PPP2R2B: variants seen among roughly 807,000 people sequenced by gnomAD.
PPP2R2B encodes serine/threonine-protein phosphatase 2A 55 kDa regulatory subunit B beta isoform.
Under a neutral mutation model 46.0 loss-of-function variants are expected in PPP2R2B, and 5 were observed. That is an observed-to-expected ratio of 0.11 (90% CI 0.06 to 0.23). PPP2R2B has a LOEUF of 0.23. PPP2R2B is among the 10% of genes least tolerant of loss of function. The pLI is 1.00. For synonymous variants in PPP2R2B, 215 were observed against 206.7 expected (o/e 1.04, Z -0.34); for missense variants, 367 against 575.0 (o/e 0.64, Z 3.70).
At chr5:146,592,683 A>C (rs951365916) in intron 9 of PPP2R2B, among the ~76,000 whole-genome samples, 1 of 152,218 alleles carries the variant, frequency 6.6e-6, no homozygotes, top group African/African-American at 2.4e-5. Context: ...TCATTTAGGC[A>C]TGTTGACCTA....
chr5:146,966,063 G>A (rs1003825505), intron 1 of PPP2R2B, among the ~76,000 whole-genome samples: 2 of 152,210 alleles, frequency 1.3e-5, no homozygotes, highest in African/African-American at 4.8e-5. Context: ...AAAATGCAAG[G>A]AGATTGAGAA....
intron 1 of PPP2R2B, among the ~76,000 whole-genome samples, chr5:146,948,851 A>G (rs772337074): frequency 1.8e-4 from 27 of 152,134 alleles, no homozygotes; most frequent in Non-Finnish European, 3.2e-4. Flanking sequence ...ATGTGCAACA[A>G]CAGAAGTATG....
intron 2 of PPP2R2B, among the ~76,000 whole-genome samples, chr5:146,732,809 G>A (rs1263868016): frequency 6.6e-6 from 1 of 152,078 alleles, no homozygotes; most frequent in Non-Finnish European, 1.5e-5. Context: ...TCCTCAAATA[G>A]CACTATGAGA....
At position 146,709,496 on chromosome 5, in the gene PPP2R2B, G is replaced by A. The variant is rs893004761; in HGVS notation, c.71-8354C>T. ...GGGGTAATTGTGTGACCCAGATCTG[G>A]CCAATGAGGCATACAGGAAAGTCTA... On this transcript the variant is annotated intron_variant, in intron 2 of 9. Transcript: ENST00000394411. 6.5e-4 allele frequency among the ~76,000 whole-genome samples: 99 copies of A among 152,290 alleles called. 1 individual carries two copies. The highest frequency in any genetic ancestry group is 2.4e-3 in the African/African-American group (99 of 41,568).
At chr5:146,653,845 A>T (rs403151) in intron 5 of PPP2R2B, among the ~76,000 whole-genome samples, 2 of 151,884 alleles carry the variant, frequency 1.3e-5, no homozygotes, top group Admixed American at 6.6e-5. Context: ...CAGATAAGAC[A>T]GGGGGGATGG....
At chr5:147,011,307 C>T (rs993503410) in intron 1 of PPP2R2B, among the ~76,000 whole-genome samples, 68 of 152,056 alleles carry the variant, frequency 4.5e-4, no homozygotes, top group South Asian at 1.7e-3. Context: ...ATGCCCCCCC[C>T]ATCCCTACAT....
chr5:146,820,280 T>A (rs1261773008), intron 2 of PPP2R2B, among the ~76,000 whole-genome samples: 1 of 152,230 alleles, frequency 6.6e-6, no homozygotes, highest in Non-Finnish European at 1.5e-5. Context: ...ATACATTGTA[T>A]ACATGTATCA....
chr5:146,885,310 A>G (rs573855040), intron 1 of PPP2R2B, among the ~76,000 whole-genome samples: 20 of 152,218 alleles, frequency 1.3e-4, no homozygotes, highest in Admixed American at 1.1e-3. Flanking sequence ...CATGCTCTTA[A>G]CCACTGTGAT....
At chr5:146,891,729 A>G (rs915365452) in intron 1 of PPP2R2B, among the ~76,000 whole-genome samples, 2 of 152,342 alleles carry the variant, frequency 1.3e-5, no homozygotes, top group African/African-American at 4.8e-5. Context: ...ACTAACCACA[A>G]TGTAAAAATG....
intron 1 of PPP2R2B, among the ~76,000 whole-genome samples, chr5:146,913,089 C>T (rs190663941): frequency 6.6e-6 from 1 of 152,284 alleles, no homozygotes; most frequent in East Asian, 1.9e-4. Context: ...CCTCTGGAGG[C>T]CCTGTCTGCC....
At chr5:146,593,576 G>A (rs903925424) in intron 8 of PPP2R2B, among the ~76,000 whole-genome samples, 3 of 152,190 alleles carry the variant, frequency 2.0e-5, no homozygotes, top group African/African-American at 7.2e-5. Flanking sequence ...ATCTTGTCGG[G>A]GGTGTATTAT....
upstream of PPP2R2B, among the ~76,000 whole-genome samples, chr5:147,060,526 G>A (rs549333627): frequency 1.3e-5 from 2 of 152,246 alleles, no homozygotes; most frequent in Admixed American, 6.5e-5. Flanking sequence ...CACTTGGGGG[G>A]CTGAAGCAGG....
rs1037835146 is a variant in PPP2R2B, at chr5:146,859,254, A to G, written c.70+18748T>C. On this transcript the variant is annotated intron_variant, in intron 2 of 9. Transcript: ENST00000394411. ...ATATTTGTTGAGCAGAGTAGATAAG[A>G]GCTGTGAAAATGCTTTGCAGAAATA... is the stretch of plus-strand genomic sequence containing the variant. 3.3e-5 allele frequency among the ~76,000 whole-genome samples: 5 copies of G among 152,348 alleles called. No individual in the cohort carries two copies. In the South Asian group the frequency reaches 1.0e-3, roughly 32 times the overall value.
intron 2 of PPP2R2B, among the ~76,000 whole-genome samples, chr5:146,854,225 C>T (rs973101843): frequency 3.3e-5 from 5 of 152,114 alleles, no homozygotes; most frequent in Non-Finnish European, 5.9e-5. Flanking sequence ...GAGAGCCCTA[C>T]AAGGCTTCAT....
chr5:147,039,703 CTGCT>C (rs1756207506), intron 1 of PPP2R2B, among the ~76,000 whole-genome samples: 2 of 152,160 alleles, frequency 1.3e-5, no homozygotes. Context: ...TTATCTGAAT[CTGCT>C]TGTTCATGTC....
chr5:146,983,000 A>G (rs1248133733), intron 1 of PPP2R2B, among the ~76,000 whole-genome samples: 2 of 151,982 alleles, frequency 1.3e-5, no homozygotes, highest in East Asian at 3.9e-4. Flanking sequence ...CTGTCCTTTA[A>G]TTGGTGTATG....
chr5:146,615,512 AAT>A (rs1376934104), intron 7 of PPP2R2B, among the ~76,000 whole-genome samples: 8 of 138,122 alleles, frequency 5.8e-5, no homozygotes, highest in African/African-American at 2.2e-4. Context: ...TAAAAAAAAA[AAT>A]TAAAAAAAAA....
At chr5:146,827,287 A>G (rs1758640369) in intron 2 of PPP2R2B, among the ~76,000 whole-genome samples, 1 of 152,222 alleles carries the variant, frequency 6.6e-6, no homozygotes, top group South Asian at 2.1e-4. Flanking sequence ...TTCAGATGAG[A>G]ATCACTTTCA....
chr5:146,589,884 A>C lies in PPP2R2B; in HGVS notation c.*63T>G, dbSNP rs2150995916. On this transcript the variant is annotated 3_prime_UTR_variant, in exon 10 of 10. Transcript: ENST00000394411. ...ATGCATCAAATGAAGACCCAAAGAA[A>C]CATTTAAAAACTTGTTTGACTAGTA... is the stretch of plus-strand genomic sequence containing the variant. 1 of 1,492,606 alleles carries C rather than the reference A, an allele frequency of 6.7e-7. No individual in the cohort carries two copies. Among genetic ancestry groups the C allele is most frequent in the East Asian group, 2.3e-5 (1 of 44,004 alleles). The allele number at this position is 1,492,606 out of a possible 1,614,324, so 92.5% of individuals were successfully genotyped here. A position where few individuals can be genotyped will look rare whatever the true frequency, so the allele number is the denominator to read the frequency against.
Sources: gnomAD v4.1 joint callset for allele counts (sites outside exome capture counted in the v4.1 genomes callset) on GRCh38, gnomAD v4.1.1 for gene constraint, MANE v1.5 for transcripts, NCBI Gene and HGNC (gene_info 2026-07-23, HGNC 2026-07-21) for gene names.